Variants in LRRTM4 observed in about 807,000 individuals in gnomAD.
LRRTM4 encodes the protein leucine-rich repeat transmembrane neuronal protein 4.
LRRTM4 carries 25 observed loss-of-function variants against 47.6 expected under a neutral mutation model. The observed-to-expected ratio is 0.53, with a 90% CI of 0.38 to 0.73. The LOEUF (loss-of-function observed/expected upper bound fraction) is 0.73, where lower values mean the gene tolerates loss of function less well. Among genes scored for constraint, LRRTM4 ranks in the 30% least tolerant of loss-of-function variants. LRRTM4 has a pLI of 0.00. For synonymous variants in LRRTM4, 311 were observed against 269.5 expected (o/e 1.15, Z -1.51); for missense variants, 638 against 713.4 (o/e 0.89, Z 1.20).
chr2:77,381,669 G>C (rs1396235438), intron 3 of LRRTM4, among the ~76,000 whole-genome samples: 1 of 151,924 alleles, frequency 6.6e-6, no homozygotes, highest in African/African-American at 2.4e-5. Flanking sequence ...AAAAATAATT[G>C]ATTATCTTAA....
chr2:76,971,197 G>A (rs1006493315), intron 3 of LRRTM4, among the ~76,000 whole-genome samples: 3 of 152,004 alleles, frequency 2.0e-5, no homozygotes, highest in African/African-American at 7.2e-5. Context: ...TTTAAAGTCT[G>A]TTCTGAGGAT....
intron 3 of LRRTM4, among the ~76,000 whole-genome samples, chr2:76,823,096 G>A (rs1573169962): frequency 6.6e-6 from 1 of 151,160 alleles, no homozygotes; most frequent in African/African-American, 2.4e-5. Context: ...AAATAAAAAG[G>A]GTTAATTTCA....
chr2:77,035,218 C>T (rs776842422), intron 3 of LRRTM4, among the ~76,000 whole-genome samples: 3 of 151,576 alleles, frequency 2.0e-5, no homozygotes, highest in African/African-American at 7.3e-5. Flanking sequence ...CCCTTCCCCC[C>T]ACCCCGGTGT....
chr2:77,225,603 A>G (rs1384839361), intron 3 of LRRTM4, among the ~76,000 whole-genome samples: 3 of 152,132 alleles, frequency 2.0e-5, no homozygotes, highest in African/African-American at 7.2e-5. Context: ...ATTCTCGACT[A>G]ATGTTAATTG....
intron 3 of LRRTM4, among the ~76,000 whole-genome samples, chr2:77,384,498 C>T (rs1340600748): frequency 6.6e-6 from 1 of 151,696 alleles, no homozygotes; most frequent in Admixed American, 6.6e-5. Context: ...CACTACTTTG[C>T]TTACTAATGT....
intron 3 of LRRTM4, among the ~76,000 whole-genome samples, chr2:76,890,042 T>G (rs1047633503): frequency 1.3e-5 from 2 of 151,994 alleles, no homozygotes; most frequent in Non-Finnish European, 2.9e-5. Context: ...TGAGATCATT[T>G]GGAAATGAAT....
chr2:76,832,623 A>G (rs1427707858), intron 3 of LRRTM4, among the ~76,000 whole-genome samples: 1 of 152,088 alleles, frequency 6.6e-6, no homozygotes, highest in Non-Finnish European at 1.5e-5. Flanking sequence ...AAAGATTGTT[A>G]AAATGAGCTT....
intron 3 of LRRTM4, among the ~76,000 whole-genome samples, chr2:77,377,333 T>C (rs1299564512): frequency 1.3e-5 from 2 of 152,004 alleles, no homozygotes; most frequent in African/African-American, 2.4e-5. Flanking sequence ...TTACATTAGC[T>C]CACTATTGAT....
intron 3 of LRRTM4, among the ~76,000 whole-genome samples, chr2:77,291,267 G>A (rs542960906): frequency 1.3e-5 from 2 of 151,964 alleles, no homozygotes; most frequent in South Asian, 2.1e-4. Context: ...AACTAATTTG[G>A]TATAAAAAGT....
chr2:76,841,235 T>G (rs902749568), intron 3 of LRRTM4, among the ~76,000 whole-genome samples: 2 of 140,058 alleles, frequency 1.4e-5, no homozygotes, highest in African/African-American at 2.7e-5. Context: ...TGAGAACACA[T>G]GGACACAGGA....
chr2:76,852,099 G>C (rs1191094617), intron 3 of LRRTM4, among the ~76,000 whole-genome samples: 2 of 151,998 alleles, frequency 1.3e-5, no homozygotes, highest in African/African-American at 4.8e-5. Flanking sequence ...TCAATGTGCT[G>C]GGGAATTTCA....
intron 3 of LRRTM4, among the ~76,000 whole-genome samples, chr2:77,034,552 G>C (rs1449972996): frequency 6.6e-6 from 1 of 151,790 alleles, no homozygotes; most frequent in Non-Finnish European, 1.5e-5. Flanking sequence ...GAAGCTCTGG[G>C]GAAATCTGGA....
At position 77,083,929 on chromosome 2, in the gene LRRTM4, C is replaced by T. The variant is rs186191036; in HGVS notation, c.1552-335013G>A. 2.5e-3 allele frequency among the ~76,000 whole-genome samples: 375 copies of T among 150,832 alleles called. 1 individual carries two copies. Among genetic ancestry groups the T allele is most frequent in the Middle Eastern group, 0.01 (3 of 290 alleles). ...ACGCCATTCTCCTGCCTCAGCCTCC[C>T]GAGTAGCTGGGACTACAGGCGCCCG... is the stretch of plus-strand genomic sequence containing the variant. On this transcript the variant is annotated intron_variant, in intron 3 of 3. Coordinates refer to ENST00000409884, the MANE Select transcript of LRRTM4 (RefSeq NM_001134745.3).
At chr2:77,328,538 A>G (rs551077732) in intron 3 of LRRTM4, among the ~76,000 whole-genome samples, 348 of 152,166 alleles carry the variant, frequency 2.3e-3, no homozygotes, top group Non-Finnish European at 4.0e-3. Context: ...GATTACAACC[A>G]TTTCATTAGA....
At chr2:77,196,552 T>A (rs1384517229) in intron 3 of LRRTM4, among the ~76,000 whole-genome samples, 1 of 152,172 alleles carries the variant, frequency 6.6e-6, no homozygotes, top group East Asian at 1.9e-4. Flanking sequence ...AAGATCCTCC[T>A]GGCCAATATG....
chr2:76,902,891 C>T (rs1011419954), intron 3 of LRRTM4, among the ~76,000 whole-genome samples: 1 of 151,760 alleles, frequency 6.6e-6, no homozygotes, highest in Non-Finnish European at 1.5e-5. Context: ...TGAGTTCTTA[C>T]CATTTCTTGG....
At chr2:77,098,541 A>G (rs532323677) in intron 3 of LRRTM4, among the ~76,000 whole-genome samples, 1 of 152,180 alleles carries the variant, frequency 6.6e-6, no homozygotes, top group African/African-American at 2.4e-5. Context: ...CAACTTTAAA[A>G]TTGGTAGGAA....
In LRRTM4 at chr2:77,431,371, C is replaced by T. The variant is rs1240697339; in HGVS notation, c.1551+86947G>A. Among the ~76,000 whole-genome samples the T allele has an allele frequency of 1.3e-5, 2 of 148,854 alleles. 1 individual carries two copies. The highest frequency in any genetic ancestry group is 5.2e-5 in the African/African-American group (2 of 38,330). On this transcript the variant is annotated intron_variant, in intron 3 of 3. Transcript: ENST00000409884. ...AGGGCACTAATCCCATTTATGAGGGCTATGCTCATAACCTGATCACATCCC... is the reference window on the plus strand; with the variant it reads ...AGGGCACTAATCCCATTTATGAGGGTTATGCTCATAACCTGATCACATCCC...
intron 3 of LRRTM4, among the ~76,000 whole-genome samples, chr2:77,095,599 C>T (rs1374391): frequency 6.6e-6 from 1 of 150,952 alleles, no homozygotes; most frequent in African/African-American, 2.4e-5. Context: ...TCCCCCTCCC[C>T]GGTTCAAATG....
Sources: allele counts gnomAD v4.1 joint callset (sites outside exome capture counted in the v4.1 genomes callset), GRCh38; gene constraint gnomAD v4.1.1; transcripts MANE v1.5; gene names NCBI Gene and HGNC (gene_info 2026-07-23, HGNC 2026-07-21).